The following TCF7L1 variants were observed in gnomAD, a reference collection of about 807,000 sequenced individuals.
TCF7L1 encodes the protein transcription factor 7-like 1.
In TCF7L1, 18 loss-of-function variants were observed where a neutral mutation model predicts 63.7. The ratio of observed to expected loss-of-function variants is 0.28; its 90% CI spans 0.20 to 0.42. The LOEUF (loss-of-function observed/expected upper bound fraction) is 0.42, where lower values mean the gene tolerates loss of function less well. Among genes scored for constraint, TCF7L1 ranks in the 10% least tolerant of loss-of-function variants. The pLI, the probability that TCF7L1 is intolerant of heterozygous loss-of-function variation, is 1.00. For missense variants in TCF7L1, 654 were observed against 779.3 expected, an observed-to-expected ratio of 0.84 and a Z score of 1.91; for synonymous variants, 355 against 340.9, an observed-to-expected ratio of 1.04 and a Z score of -0.46.
intron 3 of TCF7L1, among the ~76,000 whole-genome samples, chr2:85,234,580 T>G (rs1162810917): frequency 6.6e-6 from 1 of 152,214 alleles, no homozygotes; most frequent in African/African-American, 2.4e-5. Flanking sequence ...AAAGAATTTC[T>G]CACCTCTTGA....
At chr2:85,301,058 G>C (rs1681959809) in intron 4 of TCF7L1, among the ~76,000 whole-genome samples, 1 of 152,180 alleles carries the variant, frequency 6.6e-6, no homozygotes, top group African/African-American at 2.4e-5. Context: ...GGGATTACAG[G>C]CATGAGTCAT....
chr2:85,256,680 G>T (rs1456150155), intron 3 of TCF7L1, among the ~76,000 whole-genome samples: 1 of 152,128 alleles, frequency 6.6e-6, no homozygotes, highest in Non-Finnish European at 1.5e-5. Context: ...CTTGATCTAG[G>T]CTGGTGGTTA....
At chr2:85,144,861 A>T (rs1677839506) in intron 3 of TCF7L1, among the ~76,000 whole-genome samples, 1 of 151,772 alleles carries the variant, frequency 6.6e-6, no homozygotes, top group African/African-American at 2.4e-5. Flanking sequence ...AGGCGGGAGG[A>T]TCACTTGAGG....
intron 3 of TCF7L1, among the ~76,000 whole-genome samples, chr2:85,195,892 T>C (rs1679145268): frequency 6.6e-6 from 1 of 152,138 alleles, no homozygotes; most frequent in Admixed American, 6.5e-5. Context: ...ACTCTGAATA[T>C]TTTTATCAGT....
In TCF7L1 at chr2:85,309,346, A is replaced by C. The variant is rs894997759; in HGVS notation, c.1651A>C (p.Met551Leu). 3.3e-5 allele frequency: 53 copies of C among 1,611,070 alleles called. No individual in the cohort carries two copies. In the Admixed American group the frequency reaches 3.7e-4, roughly 11 times the overall value. The change falls in exon 12 of 12, where the codon ATG becomes CTG. Residue 551 changes from methionine to leucine, a missense_variant. This residue lies in a region of TCF7L1 where 184 missense variants were observed against 204.0 expected (regional missense o/e 0.90). Transcript: ENST00000282111. ...LLSRPLPLGS[M>L]PTALLASPPS... ...GTCCCGGCCCCTCCCCCTTGGGTCC[A>C]TGCCCACAGCTCTGCTGGCCTCTCC... is the stretch of plus-strand genomic sequence containing the variant.
At chr2:85,263,202 A>G (rs1680894371) in intron 3 of TCF7L1, among the ~76,000 whole-genome samples, 1 of 151,720 alleles carries the variant, frequency 6.6e-6, no homozygotes, top group African/African-American at 2.4e-5. Flanking sequence ...TGGCTAGAAA[A>G]TGGATGGAGG....
At chr2:85,190,211 G>C (rs1679013806) in intron 3 of TCF7L1, among the ~76,000 whole-genome samples, 1 of 152,204 alleles carries the variant, frequency 6.6e-6, no homozygotes, top group African/African-American at 2.4e-5. Context: ...GTACTTTACT[G>C]TCCTTTGAAG....
intron 4 of TCF7L1, among the ~76,000 whole-genome samples, chr2:85,292,041 G>T (rs2104378082): frequency 8.7e-5 from 1 of 11,482 alleles, no homozygotes; most frequent in Non-Finnish European, 1.2e-4. Context: ...TTTTTTTTGA[G>T]ACGGAGTCTC....
intron 3 of TCF7L1, among the ~76,000 whole-genome samples, chr2:85,218,011 C>T (rs777442794): frequency 6.6e-5 from 10 of 151,898 alleles, no homozygotes; most frequent in Non-Finnish European, 1.3e-4. Flanking sequence ...CCATGGAATT[C>T]CTTGGAATCA....
chr2:85,260,121 G>A (rs1414044139), intron 3 of TCF7L1, among the ~76,000 whole-genome samples: 8 of 152,190 alleles, frequency 5.3e-5, no homozygotes, highest in East Asian at 1.9e-4. Flanking sequence ...TTCCAAACTC[G>A]CCCCCATTGA....
At chr2:85,273,658 C>T (rs939894986) in intron 3 of TCF7L1, among the ~76,000 whole-genome samples, 4 of 152,186 alleles carry the variant, frequency 2.6e-5, no homozygotes, top group African/African-American at 9.7e-5. Flanking sequence ...GAAATGTGTC[C>T]TCCCACTATA....
At chr2:85,183,493 TTTCTTG>T (rs1678851010) in intron 3 of TCF7L1, among the ~76,000 whole-genome samples, 1 of 152,178 alleles carries the variant, frequency 6.6e-6, no homozygotes. Context: ...TTGACATGTC[TTTCTTG>T]GTGTCTTTGC....
At chr2:85,181,834 C>T (rs543665551) in intron 3 of TCF7L1, among the ~76,000 whole-genome samples, 10 of 152,244 alleles carry the variant, frequency 6.6e-5, no homozygotes, top group East Asian at 5.8e-4. Context: ...AAGCAAGCAT[C>T]GAGTGGGTGT....
At chr2:85,148,465 G>C (rs1677931625) in intron 3 of TCF7L1, among the ~76,000 whole-genome samples, 1 of 152,196 alleles carries the variant, frequency 6.6e-6, no homozygotes, top group Non-Finnish European at 1.5e-5. Context: ...TGAGTTGGCT[G>C]TGTCCCTATG....
chr2:85,262,828 G>C (rs1190624113), intron 3 of TCF7L1, among the ~76,000 whole-genome samples: 1 of 152,192 alleles, frequency 6.6e-6, no homozygotes, highest in Admixed American at 6.5e-5. Context: ...ATGGACCCGG[G>C]AAGAAATGAC....
intron 11 of TCF7L1, among the ~76,000 whole-genome samples, 190 bp from the exon 12 acceptor site, chr2:85,308,839 G>A (rs1682206404): frequency 6.6e-6 from 1 of 152,000 alleles, no homozygotes. Flanking sequence ...CAGTTTGGGC[G>A]TTGCCTCTTC....
chr2:85,197,441 A>T (rs1220271282), intron 3 of TCF7L1, among the ~76,000 whole-genome samples: 10 of 152,198 alleles, frequency 6.6e-5, no homozygotes, highest in Admixed American at 4.6e-4. Flanking sequence ...TGGCACAAAT[A>T]GGCAGAATGT....
At chr2:85,191,825 C>CAA (rs758489919) in intron 3 of TCF7L1, among the ~76,000 whole-genome samples, 23 of 91,366 alleles carry the variant, frequency 2.5e-4, no homozygotes, top group African/African-American at 7.3e-4. Context: ...AACTCCATCT[C>CAA]AAAAAAAAAA....
At position 85,310,204 on chromosome 2, in the gene TCF7L1, C is replaced by T. The variant is rs1682246771; in HGVS notation, c.*742C>T. ...AGGCGGGACCGGCCCCATGGTCTGG[C>T]TCCTGTCACCTGGGTCCGTGCCAGC... On this transcript the variant is annotated 3_prime_UTR_variant, in exon 12 of 12. Coordinates refer to ENST00000282111, the MANE Select transcript of TCF7L1 (RefSeq NM_031283.3). 1 of 152,594 alleles carries T rather than the reference C, an allele frequency of 6.6e-6. No homozygotes were observed. The highest frequency in any genetic ancestry group is 2.4e-5 in the African/African-American group (1 of 41,444). The allele number at this position is 152,594 out of a possible 1,614,324, so 9.5% of individuals were successfully genotyped here. A position where few individuals can be genotyped will look rare whatever the true frequency, so the allele number is the denominator to read the frequency against.
Sources: allele counts gnomAD v4.1 joint callset (sites outside exome capture counted in the v4.1 genomes callset), GRCh38; gene constraint gnomAD v4.1.1; regional missense constraint gnomAD v4.1.1; transcripts MANE v1.5; gene names NCBI Gene and HGNC (gene_info 2026-07-23, HGNC 2026-07-21).